MYO16: variants seen among roughly 807,000 people sequenced by gnomAD.
MYO16 encodes myosin XVI, also known as unconventional myosin-XVI.
MYO16 carries 94 observed loss-of-function variants against 205.3 expected under a neutral mutation model. That is an observed-to-expected ratio of 0.46 (90% CI 0.39 to 0.54). The LOEUF is 0.54. Among genes scored for constraint, MYO16 ranks in the 20% least tolerant of loss-of-function variants. The pLI is 0.00. For synonymous variants in MYO16, 988 were observed against 954.0 expected (o/e 1.04, Z -0.66); for missense variants, 2,315 against 2,387.5 (o/e 0.97, Z 0.63).
At chr13:108,609,295 G>T (rs1489541448) in intron 1 of MYO16, among the ~76,000 whole-genome samples, 1 of 152,158 alleles carries the variant, frequency 6.6e-6, no homozygotes, top group Admixed American at 6.5e-5. Flanking sequence ...GGCTAGAAAT[G>T]GGTGCAAAGA....
chr13:108,880,353 G>A (rs1398429593), intron 12 of MYO16, among the ~76,000 whole-genome samples: 1 of 152,162 alleles, frequency 6.6e-6, no homozygotes, highest in African/African-American at 2.4e-5. Context: ...CTGTGCAGAA[G>A]CTCTTTAGTT....
chr13:109,116,597 C>T (rs767028661), intron 28 of MYO16, among the ~76,000 whole-genome samples: 15 of 152,292 alleles, frequency 9.8e-5, no homozygotes, highest in Admixed American at 5.2e-4. Flanking sequence ...CTAGTACATT[C>T]CAAGAAAAGT....
intron 17 of MYO16, among the ~76,000 whole-genome samples, chr13:108,960,861 C>T (rs1442364083): frequency 1.3e-5 from 2 of 152,154 alleles, no homozygotes; most frequent in African/African-American, 4.8e-5. Context: ...TGCAGCGTTC[C>T]AGATTCTCTT....
chr13:108,973,259 C>T (rs1327447351), intron 20 of MYO16, among the ~76,000 whole-genome samples: 1 of 152,082 alleles, frequency 6.6e-6, no homozygotes, highest in Non-Finnish European at 1.5e-5. Flanking sequence ...CTTCTCTTTG[C>T]TACCCAGTAT....
At chr13:109,191,627 T>G (rs1422455751) in intron 34 of MYO16, among the ~76,000 whole-genome samples, 2 of 152,110 alleles carry the variant, frequency 1.3e-5, no homozygotes, top group African/African-American at 4.8e-5. Context: ...GCCAAGGCCC[T>G]GAGGTAGGAG....
intron 32 of MYO16, among the ~76,000 whole-genome samples, chr13:109,158,405 ATCCT>A (rs1293042229): frequency 1.3e-5 from 2 of 151,860 alleles, no homozygotes; most frequent in African/African-American, 4.8e-5. Flanking sequence ...CCTCCACAAA[ATCCT>A]TCCTGTGTCT....
the MYO16 span, among the ~76,000 whole-genome samples, chr13:108,546,272 G>A: frequency 1.7e-3 from 253 of 152,224 alleles, no homozygotes; most frequent in Non-Finnish European, 2.8e-3. Flanking sequence ...CGTTCTGAGC[G>A]CATCATTTCC....
At chr13:108,609,153 T>C (rs1213757778) in intron 1 of MYO16, among the ~76,000 whole-genome samples, 1 of 152,132 alleles carries the variant, frequency 6.6e-6, no homozygotes, top group East Asian at 1.9e-4. Flanking sequence ...CAGGAAACGA[T>C]GGAGTCCCTG....
chr13:108,947,496 T>C (rs546558294), intron 16 of MYO16, among the ~76,000 whole-genome samples: 81 of 152,298 alleles, frequency 5.3e-4, no homozygotes, highest in Non-Finnish European at 1.1e-3. Context: ...ACCCACACTT[T>C]CTGAGCAAAA....
the MYO16 span, among the ~76,000 whole-genome samples, chr13:108,496,028 C>T: frequency 1.6e-4 from 24 of 152,244 alleles, no homozygotes; most frequent in African/African-American, 5.5e-4. Context: ...CTGTTCTGCA[C>T]CGCCGGGCTG....
intron 12 of MYO16, among the ~76,000 whole-genome samples, chr13:108,878,114 G>A (rs1879412364): frequency 6.6e-6 from 1 of 152,176 alleles, no homozygotes; most frequent in African/African-American, 2.4e-5. Context: ...CTGTATCTTT[G>A]ATAAGGACAG....
chr13:108,662,157 G>T (rs116615482), intron 1 of MYO16, among the ~76,000 whole-genome samples: 1 of 152,192 alleles, frequency 6.6e-6, no homozygotes, highest in East Asian at 1.9e-4. Flanking sequence ...TCTCTCAGCC[G>T]TGGATAACAG....
At chr13:108,671,263 A>G (rs1881977390) in intron 2 of MYO16, among the ~76,000 whole-genome samples, 1 of 152,194 alleles carries the variant, frequency 6.6e-6, no homozygotes, top group African/African-American at 2.4e-5. Flanking sequence ...GCAGACAAAA[A>G]CAATCACCCA....
intron 20 of MYO16, among the ~76,000 whole-genome samples, chr13:108,984,792 C>T (rs559442205): frequency 3.3e-5 from 5 of 152,236 alleles, no homozygotes; most frequent in East Asian, 1.9e-4. Flanking sequence ...ATACACCTCA[C>T]GGCTCAGTCT....
intron 20 of MYO16, among the ~76,000 whole-genome samples, chr13:108,970,333 C>T (rs1883961904): frequency 6.6e-6 from 1 of 152,194 alleles, no homozygotes; most frequent in Non-Finnish European, 1.5e-5. Flanking sequence ...TGTCCCACCT[C>T]CTTTTCACAT....
intron 20 of MYO16, among the ~76,000 whole-genome samples, chr13:108,965,911 T>A (rs981587246): frequency 5.3e-5 from 8 of 152,230 alleles, no homozygotes; most frequent in Non-Finnish European, 8.8e-5. Context: ...GTCATCCGTA[T>A]AGACTTCTTA....
At chr13:108,819,616 G>T (rs753273868) in intron 7 of MYO16, among the ~76,000 whole-genome samples, 4 of 151,708 alleles carry the variant, frequency 2.6e-5, no homozygotes, top group Non-Finnish European at 5.9e-5. Context: ...TTTCATTATT[G>T]CCCTTTCAAT....
chr13:108,700,546 C>A (rs143627347), intron 2 of MYO16, among the ~76,000 whole-genome samples: 3 of 152,090 alleles, frequency 2.0e-5, no homozygotes, highest in Admixed American at 2.0e-4. Context: ...TGGCTGCAGA[C>A]TGGGTTTGGA....
At chr13:109,131,615 A>T (rs1876545311) in intron 31 of MYO16, among the ~76,000 whole-genome samples, 1 of 152,212 alleles carries the variant, frequency 6.6e-6, no homozygotes, top group Non-Finnish European at 1.5e-5. Context: ...TGTTGCTGAG[A>T]CAACTTTTTA....
Sources: gnomAD v4.1 joint callset for allele counts (sites outside exome capture counted in the v4.1 genomes callset) on GRCh38, gnomAD v4.1.1 for gene constraint, MANE v1.5 for transcripts, NCBI Gene and HGNC (gene_info 2026-07-23, HGNC 2026-07-21) for gene names.